The following DDX50 variants were observed in gnomAD, a reference collection of about 807,000 sequenced individuals.
The protein encoded by DDX50 is DExD-box helicase 50, also known as ATP-dependent RNA helicase DDX50.
A neutral mutation model predicts 94.8 loss-of-function variants in DDX50; 56 were observed. The observed-to-expected ratio is 0.59, with a 90% confidence interval of 0.48 to 0.74. The LOEUF (loss-of-function observed/expected upper bound fraction) is 0.74, where lower values mean the gene tolerates loss of function less well. Ranked by LOEUF, DDX50 falls within the 30% of genes least tolerant of loss-of-function variation. The pLI is 0.00. For synonymous variants in DDX50, 264 were observed against 295.4 expected, an observed-to-expected ratio of 0.89 and a Z score of 1.09; for missense variants, 713 against 881.2, an observed-to-expected ratio of 0.81 and a Z score of 2.42.
chr10:68,911,832 C>T (rs993581608), intron 4 of DDX50: 8 of 152,044 alleles, frequency 5.3e-5, no homozygotes, highest in African/African-American at 1.7e-4. Flanking sequence ...GGGTACTAGA[C>T]ATCTTATTTT....
At chr10:68,922,850 C>A (rs1464719115) in intron 8 of DDX50, among the ~76,000 whole-genome samples, 3 of 139,892 alleles carry the variant, frequency 2.1e-5, no homozygotes, top group Non-Finnish European at 4.6e-5. Flanking sequence ...TGTAGTGGTA[C>A]AATCTCGGCT....
At chr10:68,924,308 T>C (rs903413195) in intron 8 of DDX50, among the ~76,000 whole-genome samples, 1 of 152,044 alleles carries the variant, frequency 6.6e-6, no homozygotes, top group Admixed American at 6.6e-5. Context: ...TCCCACCATG[T>C]TGCCAGCGTT....
intron 13 of DDX50, among the ~76,000 whole-genome samples, chr10:68,942,104 A>G (rs1373899582): frequency 1.3e-5 from 2 of 152,196 alleles, no homozygotes. Flanking sequence ...TTTATTTTGT[A>G]AGACTAAGTA....
At chr10:68,920,234 T>C (rs1841904957) in intron 8 of DDX50, among the ~76,000 whole-genome samples, 1 of 152,148 alleles carries the variant, frequency 6.6e-6, no homozygotes, top group Non-Finnish European at 1.5e-5. Context: ...CAATCATGGC[T>C]CACTGCATTC....
intron 1 of DDX50, among the ~76,000 whole-genome samples, chr10:68,902,933 C>G (rs1052497016): frequency 1.3e-5 from 2 of 152,122 alleles, no homozygotes; most frequent in African/African-American, 4.8e-5. Context: ...CCCAAAAGTT[C>G]TTGAGGAAAG....
chr10:68,917,903 TC>T (rs576049743), intron 7 of DDX50, among the ~76,000 whole-genome samples: 108 of 151,584 alleles, frequency 7.1e-4, no homozygotes, highest in African/African-American at 2.6e-3. Context: ...GTACCTGGCC[TC>T]CCCGTAAGTA....
At position 68,910,335 on chromosome 10, in the gene DDX50, C is replaced by T; in HGVS notation, c.413C>T (p.Ala138Val). 1.2e-6 allele frequency: 2 copies of T among 1,606,906 alleles called. No homozygotes were observed. The highest frequency in any genetic ancestry group is 1.7e-6 in the Non-Finnish European group (2 of 1,178,218). ...TTAACACGTGAACAGAAAGAAGGAG[C>T]CTTCTCCAATTTTCCTATTTCTGAA... Reference protein sequence around the residue: ...ETLTREQKEGAFSNFPISEET... With the variant: ...ETLTREQKEGVFSNFPISEET... Residue 138 changes from alanine to valine, a missense_variant, in exon 3 of 15, where the codon GCC (alanine) becomes GTC (valine). Physicochemically the swap from Ala to Val is moderately conservative, Grantham distance 64. Coordinates refer to ENST00000373585, the MANE Select transcript of DDX50 (RefSeq NM_024045.2).
intron 2 of DDX50, among the ~76,000 whole-genome samples, chr10:68,907,225 A>G (rs931208456): frequency 2.6e-5 from 4 of 151,758 alleles, no homozygotes; most frequent in African/African-American, 9.7e-5. Flanking sequence ...GGTGGGAGCA[A>G]TAGTTAAATT....
chr10:68,941,036 A>G (rs1346401586), intron 12 of DDX50, 24 bp from the exon 13 acceptor site: 2 of 1,594,272 alleles, frequency 1.3e-6, no homozygotes, highest in Non-Finnish European at 1.7e-6. Flanking sequence ...ATTTCCAAAC[A>G]TAATGTGGTT....
intron 12 of DDX50, among the ~76,000 whole-genome samples, chr10:68,937,865 C>T (rs980241260): frequency 6.6e-6 from 1 of 152,130 alleles, no homozygotes; most frequent in Non-Finnish European, 1.5e-5. Context: ...GGATTACAGG[C>T]GTGAGCCACC....
chr10:68,919,742 A>AG (rs1841893904), intron 7 of DDX50, 90 bp from the exon 8 acceptor site: 1 of 1,505,132 alleles, frequency 6.6e-7, no homozygotes. Context: ...CAGGAAGGCT[A>AG]ATTCTTGACC....
intron 14 of DDX50, 26 bp from the exon 15 acceptor site, chr10:68,946,326 A>G (rs753088487): frequency 2.5e-6 from 4 of 1,583,130 alleles, no homozygotes; most frequent in Non-Finnish European, 2.6e-6. Flanking sequence ...TTGCATTTAT[A>G]TTAATCCTGT....
intron 1 of DDX50, among the ~76,000 whole-genome samples, chr10:68,902,190 CAAAAA>C (rs35302047): frequency 6.6e-4 from 62 of 94,296 alleles, no homozygotes; most frequent in Middle Eastern, 6.4e-3. Context: ...CCCTGCCCTC[CAAAAA>C]AAAAAAAAAA....
At chr10:68,940,998 T>C in intron 12 of DDX50, 62 bp from the exon 13 acceptor site, 1 of 1,558,790 alleles carries the variant, frequency 6.4e-7, no homozygotes, top group Non-Finnish European at 8.7e-7. Flanking sequence ...ATTATAGAGT[T>C]AGAATTTCAT....
At chr10:68,917,294 T>C (rs1841824226) in intron 7 of DDX50, among the ~76,000 whole-genome samples, 1 of 151,876 alleles carries the variant, frequency 6.6e-6, no homozygotes, top group African/African-American at 2.4e-5. Context: ...ACCCTGTCTC[T>C]ACTAAAAATA....
rs1466003161 is a variant in DDX50 at position 68,906,730 on chromosome 10, G to A, written c.107G>A (p.Arg36Lys). The change falls in exon 2 of 15, where the codon AGG (arginine) becomes AAG (lysine). Residue 36 changes from arginine to lysine, a missense_variant. By Grantham distance (26) the Arg-to-Lys change is conservative. Around this residue, in one of 2 missense-constraint regions of DDX50, gnomAD observed 285 missense variants for 278.9 expected, o/e 1.02. Transcript: ENST00000373585. ...TCACAGAGTGACAGAAGGAAGTCAA[G>A]GCACCATTATGACTCGGATGAGAAA... is the stretch of plus-strand genomic sequence containing the variant. ...ERQKSDRRKS[R>K]HHYDSDEKSE... The A allele has an allele frequency of 6.2e-7, 1 of 1,610,040 alleles. No individual in the cohort carries two copies. Among genetic ancestry groups the A allele is most frequent in the Non-Finnish European group, 8.5e-7 (1 of 1,179,178 alleles).
In DDX50 at chr10:68,911,244, A is replaced by T; in HGVS notation, c.637A>T (p.Lys213Ter). ...AACAATTAAAAAAAGCCGCTCACCA[A>T]AGGTAATCGTTATAGGGGGTAAAAG... ...QETIKKSRSPKVLVLAPTREL... is the reference protein window; with the variant it reads ...QETIKKSRSP The change falls in exon 4 of 15, where the codon AAG becomes TAG. Residue 213 changes from lysine (K) to a stop codon, truncating the protein, a stop_gained and splice_region_variant. Transcript: ENST00000373585. LOFTEE classifies it high-confidence loss of function. 2 of 1,593,952 alleles carry T rather than the reference A, an allele frequency of 1.3e-6. No individual in the cohort carries two copies. The highest frequency in any genetic ancestry group is 2.2e-5 in the East Asian group (1 of 44,730).
At chr10:68,933,645 A>T (rs578034939) in intron 8 of DDX50, among the ~76,000 whole-genome samples, 1 of 152,116 alleles carries the variant, frequency 6.6e-6, no homozygotes, top group African/African-American at 2.4e-5. Context: ...TATTAAAAAA[A>T]AAAAGTGGCC....
chr10:68,910,222 G>T, intron 2 of DDX50, 85 bp from the exon 3 acceptor site: 11 of 1,106,974 alleles, frequency 9.9e-6, no homozygotes, highest in Non-Finnish European at 5.2e-6. Context: ...AATTTTCCTT[G>T]TAAGTTAATC....
Sources: gnomAD v4.1 joint callset for allele counts (sites outside exome capture counted in the v4.1 genomes callset) on GRCh38, gnomAD v4.1.1 for gene constraint, gnomAD v4.1.1 regional missense constraint, MANE v1.5 for transcripts, NCBI Gene and HGNC (gene_info 2026-07-23, HGNC 2026-07-21) for gene names.